RBFOX1: variants seen among roughly 807,000 people sequenced by gnomAD.
RBFOX1 encodes the protein RNA binding fox-1 homolog 1, also known as RNA binding protein fox-1 homolog 1.
Under a neutral mutation model 57.7 loss-of-function variants are expected in RBFOX1, and 8 were observed. The ratio of observed to expected loss-of-function variants is 0.14; its 90% CI spans 0.08 to 0.25. The LOEUF is 0.25. RBFOX1 is among the 10% of genes least tolerant of loss of function. The probability of loss-of-function intolerance (pLI) is 1.00; values close to 1 mark genes in which losing one functional copy is unlikely to be tolerated. For missense variants in RBFOX1, 611 were observed against 548.5 expected, an observed-to-expected ratio of 1.11 and a Z score of -1.14; for synonymous variants, 326 against 222.4, an observed-to-expected ratio of 1.47 and a Z score of -4.15.
intron 2 of RBFOX1, among the ~76,000 whole-genome samples, chr16:6,559,540 T>A (rs2097151845): frequency 6.6e-6 from 1 of 152,128 alleles, no homozygotes; most frequent in Non-Finnish European, 1.5e-5. Context: ...CTTTTTGAAC[T>A]GTATGACTTG....
chr16:7,319,994 C>A (rs1404984016), intron 4 of RBFOX1, among the ~76,000 whole-genome samples: 8 of 152,164 alleles, frequency 5.3e-5, no homozygotes, highest in African/African-American at 1.7e-4. Context: ...CAGAACATAT[C>A]TTCTAGGACT....
At chr16:7,085,843 G>C (rs1476826968) in intron 4 of RBFOX1, among the ~76,000 whole-genome samples, 5 of 152,158 alleles carry the variant, frequency 3.3e-5, no homozygotes, top group Admixed American at 6.5e-5. Context: ...CCTGGTTTTA[G>C]CACTGAAAAT....
intron 2 of RBFOX1, among the ~76,000 whole-genome samples, chr16:5,540,355 A>G (rs2044880498): frequency 6.6e-6 from 1 of 152,214 alleles, no homozygotes; most frequent in African/African-American, 2.4e-5. Flanking sequence ...TATACTATGA[A>G]ATATGAAGAG....
intron 3 of RBFOX1, among the ~76,000 whole-genome samples, chr16:6,914,874 C>G (rs1002435845): frequency 1.3e-5 from 2 of 152,198 alleles, no homozygotes; most frequent in African/African-American, 2.4e-5. Flanking sequence ...GGCAACAGAG[C>G]AAGACCCTCT....
chr16:6,074,217 G>A (rs1443035064), intron 1 of RBFOX1, among the ~76,000 whole-genome samples: 1 of 152,074 alleles, frequency 6.6e-6, no homozygotes, highest in African/African-American at 2.4e-5. Flanking sequence ...CAAAGTGCTG[G>A]GATTACAGGC....
intron 3 of RBFOX1, among the ~76,000 whole-genome samples, chr16:6,717,846 C>T (rs977958251): frequency 1.1e-4 from 17 of 152,152 alleles, no homozygotes; most frequent in African/African-American, 3.6e-4. Context: ...GATGGTGTTT[C>T]GTGGGATACC....
In RBFOX1 at chr16:7,600,548, T is replaced by G. The variant is rs572205748; in HGVS notation, c.622+3117T>G. Reference sequence around the variant, plus strand: ...TAAAGTCACATTGAAATGAGAAAATTAAGCCATCGGTGAGGTTCACTCATT... The same window carrying G: ...TAAAGTCACATTGAAATGAGAAAATGAAGCCATCGGTGAGGTTCACTCATT... On this transcript the variant is annotated intron_variant, in intron 9 of 15. Transcript: ENST00000550418. Among the ~76,000 whole-genome samples the G allele has an allele frequency of 5.3e-5, 8 of 152,266 alleles. 1 individual carries two copies. In the South Asian group the frequency reaches 1.7e-3, roughly 32 times the overall value.
chr16:7,618,998 G>A (rs4787050), intron 10 of RBFOX1, among the ~76,000 whole-genome samples: 96,530 of 152,092 alleles, frequency 0.63, 31,556 homozygotes, highest in East Asian at 0.85. Context: ...CGTATGCTAC[G>A]TTCTAATGAG....
intron 3 of RBFOX1, among the ~76,000 whole-genome samples, chr16:5,698,897 A>G (rs375337982): frequency 6.6e-6 from 1 of 151,862 alleles, no homozygotes; most frequent in Non-Finnish European, 1.5e-5. Context: ...CTGTATTGCA[A>G]TGTCTTTGTT....
chr16:6,895,413 AATAT>A (rs199590751), intron 3 of RBFOX1, among the ~76,000 whole-genome samples: 19 of 110,118 alleles, frequency 1.7e-4, no homozygotes, highest in South Asian at 3.2e-4. Flanking sequence ...AGTTGTTAGT[AATAT>A]ATGTGTGTGT....
chr16:7,609,186 G>C (rs1440931904), intron 10 of RBFOX1, among the ~76,000 whole-genome samples: 1 of 152,192 alleles, frequency 6.6e-6, no homozygotes, highest in Non-Finnish European at 1.5e-5. Context: ...ATATCTGAGT[G>C]CATATTTTCA....
intron 3 of RBFOX1, among the ~76,000 whole-genome samples, chr16:6,824,320 C>T (rs1436064048): frequency 6.6e-6 from 1 of 152,134 alleles, no homozygotes; most frequent in Admixed American, 6.5e-5. Flanking sequence ...GTAGGAGAGT[C>T]ACTTGAACCA....
chr16:7,263,061 C>G (rs969024757), intron 4 of RBFOX1, among the ~76,000 whole-genome samples: 12 of 152,200 alleles, frequency 7.9e-5, no homozygotes, highest in Admixed American at 3.9e-4. Context: ...CCTCTAGTCT[C>G]TTAGAGTCTG....
chr16:7,243,607 G>C (rs983165887), intron 4 of RBFOX1, among the ~76,000 whole-genome samples: 1 of 152,122 alleles, frequency 6.6e-6, no homozygotes, highest in Non-Finnish European at 1.5e-5. Context: ...TAATGCAGTG[G>C]CATGATAATA....
chr16:7,487,494 T>G (rs2065734457), intron 4 of RBFOX1, among the ~76,000 whole-genome samples: 1 of 152,182 alleles, frequency 6.6e-6, no homozygotes, highest in Admixed American at 6.5e-5. Flanking sequence ...GAGCACTAAA[T>G]ATTAGTTGAG....
intron 4 of RBFOX1, among the ~76,000 whole-genome samples, chr16:7,232,455 T>G (rs2093555442): frequency 6.6e-6 from 1 of 152,170 alleles, no homozygotes; most frequent in African/African-American, 2.4e-5. Flanking sequence ...AACTATTAGG[T>G]GCTCAATAAA....
At chr16:7,174,235 G>T (rs2081243505) in intron 4 of RBFOX1, among the ~76,000 whole-genome samples, 1 of 151,978 alleles carries the variant, frequency 6.6e-6, no homozygotes. Context: ...CCATGTGGAT[G>T]CATGTATCAC....
chr16:5,740,113 G>T (rs62014078), intron 3 of RBFOX1, among the ~76,000 whole-genome samples: 24,907 of 152,130 alleles, frequency 0.16, 2,425 homozygotes, highest in African/African-American at 0.26. Flanking sequence ...GAATAGAGAG[G>T]GCAGAGCGGC....
intron 1 of RBFOX1, among the ~76,000 whole-genome samples, chr16:6,191,709 T>C (rs1290718010): frequency 6.6e-6 from 1 of 152,136 alleles, no homozygotes; most frequent in Non-Finnish European, 1.5e-5. Flanking sequence ...GTTTTTAAGA[T>C]GTTTTGACTT....
Sources: gnomAD v4.1 joint callset for allele counts (sites outside exome capture counted in the v4.1 genomes callset) on GRCh38, gnomAD v4.1.1 for gene constraint, MANE v1.5 for transcripts, NCBI Gene and HGNC (gene_info 2026-07-23, HGNC 2026-07-21) for gene names.